L3MBTL3: variants seen among roughly 807,000 people sequenced by gnomAD.
The protein encoded by L3MBTL3 is L3MBTL histone methyl-lysine binding protein 3.
A neutral mutation model predicts 102.3 loss-of-function variants in L3MBTL3; 27 were observed. That is an observed-to-expected ratio of 0.26 (90% CI 0.19 to 0.36). The LOEUF (loss-of-function observed/expected upper bound fraction) is 0.36. L3MBTL3 is among the 10% of genes least tolerant of loss of function. The pLI, the probability that L3MBTL3 is intolerant of heterozygous loss-of-function variation, is 1.00. For synonymous variants in L3MBTL3, 340 were observed against 320.9 expected (o/e 1.06, Z -0.64); for missense variants, 798 against 955.3 (o/e 0.84, Z 2.17).
chr6:130,083,345 G>A (rs1783485359), intron 14 of L3MBTL3, among the ~76,000 whole-genome samples: 1 of 151,900 alleles, frequency 6.6e-6, no homozygotes, highest in African/African-American at 2.4e-5. Flanking sequence ...AATTGCTAAA[G>A]GGTATTTGTG....
intron 2 of L3MBTL3, among the ~76,000 whole-genome samples, chr6:130,035,918 G>A (rs1271588834): frequency 6.6e-6 from 1 of 152,032 alleles, no homozygotes; most frequent in African/African-American, 2.4e-5. Flanking sequence ...TTGTGATGGG[G>A]TTTTCTGCAG....
In L3MBTL3 at chr6:130,066,337, A is replaced by G. The variant is rs754686353; in HGVS notation, c.865-16A>G. The stretch of plus-strand genomic sequence containing the variant: ...TGAGTTAAAAAAAATAATTCAACCT[A>G]TTTTACCTGTTTCAGGTTTGTGGAT... On this transcript the variant is annotated splice_polypyrimidine_tract_variant and intron_variant, in intron 10 of 22. Coordinates refer to ENST00000361794, the MANE Select transcript of L3MBTL3 (RefSeq NM_032438.4). 12 of 1,510,606 alleles carry G rather than the reference A, an allele frequency of 7.9e-6. 1 individual carries two copies. The highest frequency in any genetic ancestry group is 1.8e-4 in the Middle Eastern group (1 of 5,700). The allele number at this position is 1,510,606 out of a possible 1,614,324, so 93.6% of individuals were successfully genotyped here. A position where few individuals can be genotyped will look rare whatever the true frequency, so the allele number is the denominator to read the frequency against.
chr6:130,106,771 C>T lies in L3MBTL3; in HGVS notation c.1886+2196C>T, dbSNP rs9388771. 3.2e-3 allele frequency among the ~76,000 whole-genome samples: 481 copies of T among 152,300 alleles called. 24 individuals carry two copies. In the East Asian group the frequency reaches 0.08, roughly 25 times the overall value. On this transcript the variant is annotated intron_variant, in intron 19 of 22. Coordinates refer to ENST00000361794, the MANE Select transcript of L3MBTL3 (RefSeq NM_032438.4). ...TTTTCCAAGAGGTCAAAGAGCCCTT[C>T]TCCCTTCCTGTTGGTCTCTTATAAA...
chr6:130,121,861 C>T (rs1254806605), intron 20 of L3MBTL3, among the ~76,000 whole-genome samples: 1 of 152,176 alleles, frequency 6.6e-6, no homozygotes, highest in African/African-American at 2.4e-5. Flanking sequence ...GCCTGGCCAA[C>T]ACGGTGAAAC....
At chr6:130,055,874 GTCTTC>G (rs1170217249) in intron 8 of L3MBTL3, among the ~76,000 whole-genome samples, 1 of 150,104 alleles carries the variant, frequency 6.7e-6, no homozygotes, top group Non-Finnish European at 1.5e-5. Context: ...CATCTCTTCT[GTCTTC>G]TCTTCCCTTC....
At chr6:130,067,375 A>G (rs1237699481) in intron 11 of L3MBTL3, among the ~76,000 whole-genome samples, 2 of 152,154 alleles carry the variant, frequency 1.3e-5, no homozygotes, top group East Asian at 3.9e-4. Flanking sequence ...TGGCCTCCCA[A>G]AGTGCTGGGA....
chr6:130,038,253 T>C (rs1410421050), intron 2 of L3MBTL3, among the ~76,000 whole-genome samples: 1 of 152,092 alleles, frequency 6.6e-6, no homozygotes, highest in Non-Finnish European at 1.5e-5. Flanking sequence ...ATATCTGATA[T>C]ACTGATTTCC....
chr6:130,053,035 T>G (rs1176649375), intron 7 of L3MBTL3, 44 bp downstream of exon 7: 5 of 1,445,234 alleles, frequency 3.5e-6, no homozygotes, highest in Non-Finnish European at 4.9e-6. Context: ...GATGCATCTT[T>G]AGTGGGTAGC....
At chr6:130,060,163 T>TG (rs1463894109) in intron 10 of L3MBTL3, 23 bp downstream of exon 10, 1 of 1,397,124 alleles carries the variant, frequency 7.2e-7, no homozygotes, top group East Asian at 2.4e-5. Flanking sequence ...TCGTCCTTTA[T>TG]TTTTAAAATA....
intron 2 of L3MBTL3, among the ~76,000 whole-genome samples, chr6:130,029,054 C>T (rs79505440): frequency 0.02 from 3,087 of 152,164 alleles, 99 homozygotes; most frequent in African/African-American, 0.07. Flanking sequence ...TAAGTTTTAT[C>T]AATACCTACT....
At chr6:130,027,466 T>C (rs191951287) in intron 2 of L3MBTL3, among the ~76,000 whole-genome samples, 1 of 152,274 alleles carries the variant, frequency 6.6e-6, no homozygotes, top group African/African-American at 2.4e-5. Flanking sequence ...TCCTAGGTGG[T>C]CAATCTGGTC....
chr6:130,051,679 C>G (rs1781100158), intron 6 of L3MBTL3, among the ~76,000 whole-genome samples: 2 of 152,284 alleles, frequency 1.3e-5, no homozygotes, highest in South Asian at 4.2e-4. Flanking sequence ...ATTTGATTGT[C>G]TTCAGCTAAG....
chr6:130,114,163 A>G (rs1785520053), intron 19 of L3MBTL3, among the ~76,000 whole-genome samples: 1 of 152,188 alleles, frequency 6.6e-6, no homozygotes, highest in Non-Finnish European at 1.5e-5. Flanking sequence ...AAATCTGTGT[A>G]GTTGTTTATG....
At chr6:130,107,040 A>G (rs1582582316) in intron 19 of L3MBTL3, among the ~76,000 whole-genome samples, 1 of 152,366 alleles carries the variant, frequency 6.6e-6, no homozygotes, top group East Asian at 1.9e-4. Context: ...ATACTGGCAG[A>G]GTAGCAATGA....
chr6:130,071,206 C>A (rs563872656), intron 13 of L3MBTL3, 79 bp downstream of exon 13: 3 of 1,241,634 alleles, frequency 2.4e-6, no homozygotes, highest in Non-Finnish European at 3.3e-6. Flanking sequence ...AATAGTGCAA[C>A]GCTTATAACA....
At chr6:130,112,209 T>C (rs1785394816) in intron 19 of L3MBTL3, among the ~76,000 whole-genome samples, 1 of 152,200 alleles carries the variant, frequency 6.6e-6, no homozygotes, top group Non-Finnish European at 1.5e-5. Flanking sequence ...GTACTTTGCT[T>C]GATGATGTGC....
At position 130,101,777 on chromosome 6, in the gene L3MBTL3, G is replaced by A. The variant is rs147483653; in HGVS notation, c.1737-2649G>A. Among the ~76,000 whole-genome samples, 71 of 152,292 alleles carry A rather than the reference G, an allele frequency of 4.7e-4. 1 individual carries two copies. Among genetic ancestry groups the A allele is most frequent in the African/African-American group, 1.7e-3 (69 of 41,560 alleles). On this transcript the variant is annotated intron_variant, in intron 18 of 22. Transcript: ENST00000361794. Reference sequence around the variant, plus strand: ...GATCTGTCAAATGCCCTTACAGTGAGTGTTTTCTGCTCAAGTTAGGCAGAA... The same window carrying A: ...GATCTGTCAAATGCCCTTACAGTGAATGTTTTCTGCTCAAGTTAGGCAGAA...
At chr6:130,021,212 G>C (rs1472152875) in intron 1 of L3MBTL3, among the ~76,000 whole-genome samples, 4 of 152,222 alleles carry the variant, frequency 2.6e-5, no homozygotes, top group African/African-American at 9.7e-5. Context: ...AACTGGCCAA[G>C]GGGAGACCTC....
chr6:130,081,674 C>T (rs1783364782), intron 14 of L3MBTL3, among the ~76,000 whole-genome samples: 1 of 152,010 alleles, frequency 6.6e-6, no homozygotes, highest in African/African-American at 2.4e-5. Flanking sequence ...ATCCACCTGC[C>T]TCAGCCTCCC....
Sources: allele counts gnomAD v4.1 joint callset (sites outside exome capture counted in the v4.1 genomes callset), GRCh38; gene constraint gnomAD v4.1.1; transcripts MANE v1.5; gene names NCBI Gene and HGNC (gene_info 2026-07-23, HGNC 2026-07-21).